Variants in C7 observed in about 807,000 individuals in gnomAD.
C7 encodes the protein complement component C7.
A neutral mutation model predicts 104.8 loss-of-function variants in C7; 83 were observed. That is an observed-to-expected ratio of 0.79 (90% CI 0.66 to 0.95). The LOEUF is 0.95. Ranked by LOEUF, C7 falls within the 40% of genes least tolerant of loss-of-function variation. The pLI, the probability that C7 is intolerant of heterozygous loss-of-function variation, is 0.00. For missense variants in C7, 1,070 were observed against 1,011.2 expected, an observed-to-expected ratio of 1.06 and a Z score of -0.79; for synonymous variants, 415 against 360.6, an observed-to-expected ratio of 1.15 and a Z score of -1.71.
At chr5:40,962,264 G>A in intron 13 of C7, 92 bp downstream of exon 13, 1 of 693,068 alleles carries the variant, frequency 1.4e-6, no homozygotes. Context: ...CCATGGTGAA[G>A]CCGTGCCAAA....
chr5:40,979,434 T>C (rs899016101), intron 16 of C7, among the ~76,000 whole-genome samples: 5 of 152,150 alleles, frequency 3.3e-5, no homozygotes, highest in African/African-American at 1.2e-4. Context: ...CCTTTTCTTC[T>C]CATCTAATTT....
At chr5:40,979,212 A>C (rs1740884271) in intron 16 of C7, among the ~76,000 whole-genome samples, 1 of 152,134 alleles carries the variant, frequency 6.6e-6, no homozygotes, top group Admixed American at 6.5e-5. Context: ...AGATACTTTT[A>C]AAAGTAGCAT....
chr5:40,965,798 C>T (rs1740538398), intron 14 of C7, among the ~76,000 whole-genome samples: 2 of 151,668 alleles, frequency 1.3e-5, no homozygotes, highest in South Asian at 2.1e-4. Context: ...TGTGCCAACA[C>T]ACTCTGCTAA....
chr5:40,968,568 TTATATATATATATA>T lies in C7; in HGVS notation c.1882+3715_1882+3728del, dbSNP rs1240185830. Among the ~76,000 whole-genome samples, 450 of 63,548 alleles carry T rather than the reference TTATATATATATATA, an allele frequency of 7.1e-3. 2 individuals are homozygous for T. The highest frequency in any genetic ancestry group is 0.042 in the East Asian group (82 of 1,930). 41.7% of individuals were successfully genotyped at this position (63,548 alleles called of 152,430 possible). On this transcript the variant is annotated intron_variant, in intron 14 of 17. Coordinates refer to ENST00000313164, the MANE Select transcript of C7 (RefSeq NM_000587.4). ...TCAACTTAAAACAATTATATATATT[TTATATATATATATA>T]TATATATATATATATATATTTTTTT...
At chr5:40,965,473 A>C (rs1740522735) in intron 14 of C7, among the ~76,000 whole-genome samples, 2 of 152,136 alleles carry the variant, frequency 1.3e-5, no homozygotes, top group South Asian at 4.1e-4. Flanking sequence ...TTGGGTATTC[A>C]TACATTGGGT....
At position 40,983,806 on chromosome 5, in the gene C7, A is replaced by C. The variant is rs62357089; in HGVS notation, c.*2233A>C. On this transcript the variant is annotated 3_prime_UTR_variant, in exon 18 of 18. Coordinates refer to ENST00000313164, the MANE Select transcript of C7 (RefSeq NM_000587.4). ...ACAAAAATAAATGGAAAAAGAATAA[A>C]GACTGTGAGAATTCCATCTTCCTGC... Among the ~76,000 whole-genome samples the C allele has an allele frequency of 0.29, 44,292 of 151,918 alleles. 7,333 individuals are homozygous for C. Among genetic ancestry groups the C allele is most frequent in the East Asian group, 0.61 (3,116 of 5,120 alleles).
intron 4 of C7, among the ~76,000 whole-genome samples, chr5:40,935,796 G>T (rs886175203): frequency 2.6e-5 from 4 of 152,176 alleles, no homozygotes; most frequent in Non-Finnish European, 5.9e-5. Flanking sequence ...TATGATCTAT[G>T]TCTTTGTAGT....
At chr5:40,951,732 A>G (rs957297553) in intron 9 of C7, among the ~76,000 whole-genome samples, 9 of 152,128 alleles carry the variant, frequency 5.9e-5, no homozygotes, top group African/African-American at 2.2e-4. Context: ...CAGAGTTTAA[A>G]TCCTCTTGGG....
In C7 at chr5:40,983,631, C is replaced by T. The variant is rs1741000891; in HGVS notation, c.*2058C>T. On this transcript the variant is annotated 3_prime_UTR_variant, in exon 18 of 18. Coordinates refer to ENST00000313164, the MANE Select transcript of C7 (RefSeq NM_000587.4). ...AGTCCAACAGAGGCATTCACAATTG[C>T]CTGTGGAGAATTAGGATTGTCGCAG... Among the ~76,000 whole-genome samples the T allele has an allele frequency of 6.6e-6, 1 of 152,034 alleles. No homozygotes were observed. The highest frequency in any genetic ancestry group is 1.5e-5 in the Non-Finnish European group (1 of 68,014).
intron 9 of C7, among the ~76,000 whole-genome samples, chr5:40,954,471 TAAG>T (rs1740242272): frequency 6.6e-6 from 1 of 152,200 alleles, no homozygotes; most frequent in East Asian, 1.9e-4. Context: ...ATGTAACATC[TAAG>T]AAGAACATTC....
At chr5:40,945,977 G>A (rs1046956952) in intron 7 of C7, among the ~76,000 whole-genome samples, 1 of 148,428 alleles carries the variant, frequency 6.7e-6, no homozygotes, top group Admixed American at 6.8e-5. Flanking sequence ...TGTTTACAAA[G>A]CCCTTATTAC....
chr5:40,949,946 G>C lies in C7; in HGVS notation c.1025G>C (p.Trp342Ser). Residue 342 changes from tryptophan (W) to serine (S), a missense_variant, in exon 9 of 18, where the codon TGG (tryptophan) becomes TCG (serine). Trp to Ser is a radical substitution (Grantham distance 177). Coordinates refer to ENST00000313164, the MANE Select transcript of C7 (RefSeq NM_000587.4). ...VEEKKCKSSG[W>S]HFVVKFSSHG... ...GAAAAGAAATGTAAATCCTCAGGTT[G>C]GCATTTTGTCGTTAAATTTTCAAGT... The C allele has an allele frequency of 1.9e-6, 3 of 1,600,726 alleles. No homozygotes were observed. The highest frequency in any genetic ancestry group is 2.6e-6 in the Non-Finnish European group (3 of 1,172,784).
rs1740962248 is a variant in C7 at position 40,982,133 on chromosome 5, G to A, written c.*560G>A. The A allele has an allele frequency of 6.6e-6, 1 of 152,068 alleles. No individual in the cohort carries two copies. The highest frequency in any genetic ancestry group is 6.6e-5 in the Admixed American group (1 of 15,240). 9.4% of individuals were successfully genotyped at this position (152,068 alleles called of 1,614,324 possible). ...CTATAGAGTCAACCACCACAGATAGGAATTCCTTATTCTTTTTTTAATTTT... is the reference window on the plus strand; with the variant it reads ...CTATAGAGTCAACCACCACAGATAGAAATTCCTTATTCTTTTTTTAATTTT... On this transcript the variant is annotated 3_prime_UTR_variant, in exon 18 of 18. Coordinates refer to ENST00000313164, the MANE Select transcript of C7 (RefSeq NM_000587.4).
intron 1 of C7, among the ~76,000 whole-genome samples, chr5:40,921,595 G>A (rs324072): frequency 0.49 from 73,317 of 151,110 alleles, 18,980 homozygotes; most frequent in African/African-American, 0.69. Flanking sequence ...AAAAACAAAA[G>A]TAGTTTATAC....
At chr5:40,920,069 C>A (rs114698344) in intron 1 of C7, among the ~76,000 whole-genome samples, 2,551 of 151,720 alleles carry the variant, frequency 0.017, 79 homozygotes, top group African/African-American at 0.059. Context: ...AAAAGATGAA[C>A]AAATTTGACA....
At chr5:40,924,481 T>C (rs763156316) in intron 1 of C7, among the ~76,000 whole-genome samples, 2 of 152,128 alleles carry the variant, frequency 1.3e-5, no homozygotes, top group African/African-American at 2.4e-5. Context: ...CATTCTGGGG[T>C]CTGGAGGACA....
Position 40,983,900 on chromosome 5 carries a change from G to A in C7, c.*2327G>A, listed in dbSNP as rs1741006621. ...AGGGGATAGAGCCTTGGAGGAGGCA[G>A]AGGGCAGAAAGCATTGCTGAGATTA... is the stretch of plus-strand genomic sequence containing the variant. On this transcript the variant is annotated 3_prime_UTR_variant, in exon 18 of 18. Coordinates refer to ENST00000313164, the MANE Select transcript of C7 (RefSeq NM_000587.4). Among the ~76,000 whole-genome samples the A allele has an allele frequency of 6.6e-6, 1 of 152,176 alleles. No individual in the cohort carries two copies. The highest frequency in any genetic ancestry group is 2.1e-4 in the South Asian group (1 of 4,830).
chr5:40,972,470 A>C lies in C7; in HGVS notation c.1950A>C (p.Thr650=), dbSNP rs199660245. ...GTCACCCCCAAAAACCTTTCTACAC[A>C]GTTGGTGAGAAGGTGACTGTTTCCT... ...IQSHPQKPFY[T]VGEKVTVSCS... is the part of the protein sequence containing the mutation. The change falls in exon 15 of 18, where the codon ACA becomes ACC. Residue 650 remains threonine (T), a synonymous_variant. Coordinates refer to ENST00000313164, the MANE Select transcript of C7 (RefSeq NM_000587.4). 15 of 1,613,846 alleles carry C rather than the reference A, an allele frequency of 9.3e-6. No homozygotes were observed. The East Asian group carries it at 3.1e-4, about 34-fold the overall frequency.
chr5:40,963,860 G>A (rs574780923), intron 13 of C7, among the ~76,000 whole-genome samples: 1 of 151,978 alleles, frequency 6.6e-6, no homozygotes, highest in African/African-American at 2.4e-5. Flanking sequence ...TGGAGTAGGA[G>A]GGTAGGATGG....
Sources: allele counts gnomAD v4.1 joint callset (sites outside exome capture counted in the v4.1 genomes callset), GRCh38; gene constraint gnomAD v4.1.1; transcripts MANE v1.5; gene names NCBI Gene and HGNC (gene_info 2026-07-23, HGNC 2026-07-21).